The following GRHL2 variants were observed in gnomAD, a reference collection of about 807,000 sequenced individuals.
GRHL2 encodes grainyhead like transcription factor 2.
A neutral mutation model predicts 83.8 loss-of-function variants in GRHL2; 21 were observed. The observed-to-expected ratio is 0.25, with a 90% confidence interval of 0.18 to 0.36. The LOEUF is 0.36. GRHL2 is among the 10% of genes least tolerant of loss of function. The probability of loss-of-function intolerance (pLI) is 1.00; values close to 1 mark genes in which losing one functional copy is unlikely to be tolerated. For missense variants in GRHL2, 623 were observed against 781.8 expected (o/e 0.80, Z 2.42); for synonymous variants, 280 against 278.9 (o/e 1.00, Z -0.04).
rs547115483 is a variant in GRHL2, at chr8:101,587,570, A to G, written c.1003+10051A>G. Among the ~76,000 whole-genome samples, 17 of 152,316 alleles carry G rather than the reference A, an allele frequency of 1.1e-4. No homozygotes were observed. In the South Asian group the frequency reaches 2.5e-3, roughly 22 times the overall value. Reference sequence around the variant, plus strand: ...AACCGGTGGGACTTTTGTTATATCCATAGCTATAACATCATTCTTTCATCT... The same window carrying G: ...AACCGGTGGGACTTTTGTTATATCCGTAGCTATAACATCATTCTTTCATCT... On this transcript the variant is annotated intron_variant, in intron 7 of 15. Transcript: ENST00000646743.
the GRHL2 span, among the ~76,000 whole-genome samples, chr8:101,678,733 C>T: frequency 6.6e-6 from 1 of 152,094 alleles, no homozygotes; most frequent in Non-Finnish European, 1.5e-5. Flanking sequence ...AGCTGGAGAT[C>T]TGAGAACGGG....
At chr8:101,652,480 T>G (rs1813674235) in intron 14 of GRHL2, among the ~76,000 whole-genome samples, 3 of 47,304 alleles carry the variant, frequency 6.3e-5, no homozygotes, top group Admixed American at 2.1e-4. Context: ...GTGTGTGTGG[T>G]ATGTGTGTAT....
At chr8:101,543,484 C>T (rs780828381) in intron 2 of GRHL2, 48 bp downstream of exon 2, 5 of 1,543,940 alleles carry the variant, frequency 3.2e-6, no homozygotes, top group African/African-American at 1.4e-5. Context: ...CCAGGACAAC[C>T]CTTTGCTGGT....
intron 7 of GRHL2, among the ~76,000 whole-genome samples, chr8:101,583,705 A>G (rs748786438): frequency 2.6e-5 from 4 of 152,252 alleles, no homozygotes; most frequent in Non-Finnish European, 5.9e-5. Flanking sequence ...TAGACTAGAT[A>G]TCAGTCCAAA....
At chr8:101,560,615 G>T (rs1811589566) in intron 4 of GRHL2, among the ~76,000 whole-genome samples, 1 of 152,140 alleles carries the variant, frequency 6.6e-6, no homozygotes, top group South Asian at 2.1e-4. Context: ...ATACCATTTT[G>T]TTCCTACCAG....
At chr8:101,585,245 G>A (rs1812140335) in intron 7 of GRHL2, among the ~76,000 whole-genome samples, 1 of 152,188 alleles carries the variant, frequency 6.6e-6, no homozygotes, top group Admixed American at 6.5e-5. Context: ...AAATTATACA[G>A]ATTTGCTCTC....
intron 8 of GRHL2, among the ~76,000 whole-genome samples, chr8:101,602,894 G>A (rs1248128104): frequency 1.3e-5 from 2 of 152,208 alleles, no homozygotes; most frequent in African/African-American, 4.8e-5. Flanking sequence ...GAGCTCAGAG[G>A]AATGGGGCGA....
intron 1 of GRHL2, among the ~76,000 whole-genome samples, chr8:101,522,984 A>G (rs1427008262): frequency 6.6e-6 from 1 of 151,138 alleles, no homozygotes; most frequent in Non-Finnish European, 1.5e-5. Context: ...ATTTCTGCTC[A>G]CTGCAACCTC....
At chr8:101,594,069 CAAAAAAAAAAAAAA>C (rs534396520) in intron 7 of GRHL2, among the ~76,000 whole-genome samples, 2 of 49,108 alleles carry the variant, frequency 4.1e-5, no homozygotes, top group Non-Finnish European at 6.8e-5. Flanking sequence ...GAGTCTGTAT[CAAAAAAAAAAAAAA>C]AAAAAAAAAA....
At chr8:101,510,231 G>A (rs11992438) in intron 1 of GRHL2, among the ~76,000 whole-genome samples, 3,080 of 152,082 alleles carry the variant, frequency 0.02, 108 homozygotes, top group African/African-American at 0.07. Flanking sequence ...TCCTGGGCTC[G>A]AGTGATCAGC....
intron 8 of GRHL2, 90 bp from the exon 9 acceptor site, chr8:101,619,449 T>A: frequency 9.1e-7 from 1 of 1,095,226 alleles, no homozygotes; most frequent in Non-Finnish European, 1.4e-6. Flanking sequence ...TGGGGTTGTT[T>A]AGTATTTTGA....
At chr8:101,564,976 T>G (rs1209669551) in intron 4 of GRHL2, among the ~76,000 whole-genome samples, 1 of 152,184 alleles carries the variant, frequency 6.6e-6, no homozygotes, top group African/African-American at 2.4e-5. Flanking sequence ...TGCATACTGG[T>G]TTCTGCCTTC....
chr8:101,588,635 A>T (rs1488821655), intron 7 of GRHL2, among the ~76,000 whole-genome samples: 1 of 152,188 alleles, frequency 6.6e-6, no homozygotes, highest in Admixed American at 6.5e-5. Context: ...TGCTTAAGTA[A>T]TTGGGCTTGT....
At chr8:101,608,735 T>TCTCACACACA (rs1326292897) in intron 8 of GRHL2, among the ~76,000 whole-genome samples, 1 of 144,656 alleles carries the variant, frequency 6.9e-6, no homozygotes, top group African/African-American at 2.7e-5. Context: ...GCTCACTCTC[T>TCTCACACACA]CACACACACA....
At chr8:101,561,152 G>A (rs570857110) in intron 4 of GRHL2, among the ~76,000 whole-genome samples, 1 of 148,696 alleles carries the variant, frequency 6.7e-6, no homozygotes, top group South Asian at 2.1e-4. Flanking sequence ...TCATTTCGAA[G>A]TAATTTTTTT....
chr8:101,631,777 TC>T, intron 10 of GRHL2, 53 bp downstream of exon 10: 1 of 1,411,706 alleles, frequency 7.1e-7, no homozygotes, highest in Non-Finnish European at 1.0e-6. Context: ...GTGGGCTGTG[TC>T]CACTGGGGGA....
intron 3 of GRHL2, among the ~76,000 whole-genome samples, chr8:101,554,453 G>C (rs1811451329): frequency 6.6e-6 from 1 of 152,120 alleles, no homozygotes; most frequent in South Asian, 2.1e-4. Flanking sequence ...GTATCTCTTA[G>C]GACAACATTA....
the GRHL2 span, among the ~76,000 whole-genome samples, chr8:101,678,806 C>G: frequency 6.6e-6 from 1 of 151,932 alleles, no homozygotes; most frequent in Non-Finnish European, 1.5e-5. Flanking sequence ...CACCCCCCAG[C>G]AGGGGCACAC....
At chr8:101,653,249 G>A (rs1813710316) in intron 14 of GRHL2, among the ~76,000 whole-genome samples, 1 of 152,066 alleles carries the variant, frequency 6.6e-6, no homozygotes, top group Non-Finnish European at 1.5e-5. Context: ...ATTGTGGGGG[G>A]GCTTATAGTT....
Sources: allele counts gnomAD v4.1 joint callset (sites outside exome capture counted in the v4.1 genomes callset), GRCh38; gene constraint gnomAD v4.1.1; transcripts MANE v1.5; gene names NCBI Gene and HGNC (gene_info 2026-07-23, HGNC 2026-07-21).